DNM3: variants seen among roughly 807,000 people sequenced by gnomAD.
DNM3 encodes the protein dynamin 3, also known as dynamin-3.
In DNM3, 47 loss-of-function variants were observed where a neutral mutation model predicts 101.6. The observed-to-expected ratio is 0.46, with a 90% CI of 0.37 to 0.59. DNM3 has a LOEUF of 0.59. Among genes scored for constraint, DNM3 ranks in the 20% least tolerant of loss-of-function variants. The pLI is 0.00. For missense variants in DNM3, 849 were observed against 1,085.7 expected (o/e 0.78, Z 3.06); for synonymous variants, 385 against 387.9 (o/e 0.99, Z 0.09).
At chr1:172,186,636 G>A (rs1436965892) in intron 14 of DNM3, among the ~76,000 whole-genome samples, 1 of 151,920 alleles carries the variant, frequency 6.6e-6, no homozygotes, top group Admixed American at 6.6e-5. Flanking sequence ...CTTCTTCAAG[G>A]GACTTCTCAC....
At chr1:171,974,486 A>T (rs1447605169) in intron 2 of DNM3, among the ~76,000 whole-genome samples, 1 of 152,168 alleles carries the variant, frequency 6.6e-6, no homozygotes, top group Non-Finnish European at 1.5e-5. Context: ...AGAGTTTTCC[A>T]TTAAGTTCCC....
At chr1:172,223,371 C>T (rs1348268319) in intron 14 of DNM3, among the ~76,000 whole-genome samples, 9 of 151,424 alleles carry the variant, frequency 5.9e-5, no homozygotes, top group Non-Finnish European at 8.8e-5. Context: ...TTGGCAGGCA[C>T]CATTGTATAT....
rs73039332 is a variant in DNM3 at position 172,082,055 on chromosome 1, T to C, written c.1493+153T>C. On this transcript the variant is annotated intron_variant, in intron 12 of 20. Coordinates refer to ENST00000627582, the MANE Select transcript of DNM3 (RefSeq NM_015569.5). ...GCCTACTTAGGAAGTCTGAGCTCCATGGTCGTAGGGCAGGGATATTTACTA... is the reference window on the plus strand; with the variant it reads ...GCCTACTTAGGAAGTCTGAGCTCCACGGTCGTAGGGCAGGGATATTTACTA... Among the ~76,000 whole-genome samples the C allele has an allele frequency of 4.5e-3, 691 of 152,356 alleles. 6 individuals carry two copies. The highest frequency in any genetic ancestry group is 0.015 in the African/African-American group (621 of 41,588).
chr1:171,884,054 C>T (rs975842528), intron 1 of DNM3, among the ~76,000 whole-genome samples: 1 of 152,220 alleles, frequency 6.6e-6, no homozygotes, highest in African/African-American at 2.4e-5. Flanking sequence ...CTGAGTTAAA[C>T]AGATGTTCAG....
rs373307502 is a variant in DNM3, at chr1:172,323,399, A to C, written c.1893+59A>C. On this transcript the variant is annotated intron_variant, in intron 17 of 20. Coordinates refer to ENST00000627582, the MANE Select transcript of DNM3 (RefSeq NM_015569.5). ...CCCCCAGCCCCTGCTCCGCTCCTGC[A>C]TGTCTTGACAAGAGTGTTCCTGTGC... The C allele has an allele frequency of 1.3e-3, 1,961 of 1,567,036 alleles. 6 individuals are homozygous for C. Among genetic ancestry groups the C allele is most frequent in the Admixed American group, 2.4e-3 (129 of 54,674 alleles).
chr1:172,043,442 G>A (rs1293127445), intron 8 of DNM3, among the ~76,000 whole-genome samples: 1 of 152,076 alleles, frequency 6.6e-6, no homozygotes, highest in East Asian at 1.9e-4. Flanking sequence ...TCGTGTGGGA[G>A]GCAAATGGGT....
chr1:172,249,166 C>T (rs944988016), intron 14 of DNM3, among the ~76,000 whole-genome samples: 1 of 152,134 alleles, frequency 6.6e-6, no homozygotes, highest in Non-Finnish European at 1.5e-5. Context: ...CATTGTATCT[C>T]CTTCTAGTGC....
chr1:172,306,340 CA>C (rs1166011372), intron 15 of DNM3, among the ~76,000 whole-genome samples: 1 of 152,170 alleles, frequency 6.6e-6, no homozygotes, highest in Non-Finnish European at 1.5e-5. Flanking sequence ...AGCACCTCTT[CA>C]AGGAGAACTA....
chr1:172,082,751 A>G (rs2053251418), intron 12 of DNM3, among the ~76,000 whole-genome samples: 1 of 152,238 alleles, frequency 6.6e-6, no homozygotes, highest in Non-Finnish European at 1.5e-5. Flanking sequence ...GACTTAGAAG[A>G]AATGGATATG....
At chr1:172,320,895 GT>G (rs2065683448) in intron 16 of DNM3, among the ~76,000 whole-genome samples, 1 of 152,174 alleles carries the variant, frequency 6.6e-6, no homozygotes, top group Non-Finnish European at 1.5e-5. Context: ...TGCAAATCCA[GT>G]TTTGCATATT....
intron 14 of DNM3, among the ~76,000 whole-genome samples, chr1:172,199,997 G>A (rs952157552): frequency 1.3e-5 from 2 of 152,084 alleles, no homozygotes; most frequent in African/African-American, 2.4e-5. Flanking sequence ...TTGCTTTACA[G>A]TGACACTGGT....
rs560306268 is a variant in DNM3, at chr1:172,308,798, G to C, written c.1840G>C (p.Ala614Pro). 1 of 1,610,524 alleles carries C rather than the reference G, an allele frequency of 6.2e-7. No individual in the cohort carries two copies. The highest frequency in any genetic ancestry group is 1.1e-5 in the South Asian group (1 of 90,466). Residue 614 changes from alanine to proline, a missense_variant, in exon 16 of 21, where the codon GCA becomes CCA. Physicochemically the swap from Ala to Pro is conservative, Grantham distance 27. Coordinates refer to ENST00000627582, the MANE Select transcript of DNM3 (RefSeq NM_015569.5). ...DSQEDVDSWKASLLRAGVYPD... is the reference protein window; with the variant it reads ...DSQEDVDSWKPSLLRAGVYPD... ...CCAGGAGGATGTCGACAGCTGGAAG[G>C]CATCTCTACTAAGAGCTGGGGTCTA...
At chr1:172,290,964 G>T (rs1201865690) in intron 15 of DNM3, among the ~76,000 whole-genome samples, 3 of 143,566 alleles carry the variant, frequency 2.1e-5, no homozygotes, top group African/African-American at 7.9e-5. Context: ...GGAGGAGAAG[G>T]TGTTTGAGGA....
At chr1:172,107,403 A>T (rs1368284560) in intron 13 of DNM3, among the ~76,000 whole-genome samples, 1 of 152,158 alleles carries the variant, frequency 6.6e-6, no homozygotes, top group Non-Finnish European at 1.5e-5. Flanking sequence ...GTGGAAAAAA[A>T]AAAAGTAAAA....
At chr1:171,966,770 TGAGGTG>T (rs2043618278) in intron 2 of DNM3, among the ~76,000 whole-genome samples, 2 of 152,174 alleles carry the variant, frequency 1.3e-5, no homozygotes, top group South Asian at 4.1e-4. Flanking sequence ...AGCATTAAAA[TGAGGTG>T]GAATTTGGCT....
chr1:172,301,697 T>G (rs113072393), intron 15 of DNM3, among the ~76,000 whole-genome samples: 2,168 of 152,264 alleles, frequency 0.014, 50 homozygotes, highest in African/African-American at 0.049. Flanking sequence ...TCATCATACA[T>G]TTATATGAAT....
At chr1:172,238,273 T>C (rs1408935036) in intron 14 of DNM3, among the ~76,000 whole-genome samples, 1 of 152,124 alleles carries the variant, frequency 6.6e-6, no homozygotes, top group African/African-American at 2.4e-5. Context: ...GCCCTACACT[T>C]CCTGGTTTAA....
intron 11 of DNM3, among the ~76,000 whole-genome samples, chr1:172,069,744 T>G (rs984469514): frequency 4.6e-5 from 7 of 152,240 alleles, no homozygotes; most frequent in Admixed American, 3.9e-4. Context: ...AACATCATGT[T>G]CTTGTGTAAA....
chr1:172,044,195 A>G (rs1003684262), intron 8 of DNM3, among the ~76,000 whole-genome samples, 190 bp from the exon 9 acceptor site: 4 of 152,210 alleles, frequency 2.6e-5, no homozygotes, highest in African/African-American at 9.6e-5. Context: ...CAAGCTCCCC[A>G]AAATCCCTAG....
Sources: allele counts gnomAD v4.1 joint callset (sites outside exome capture counted in the v4.1 genomes callset), GRCh38; gene constraint gnomAD v4.1.1; transcripts MANE v1.5; gene names NCBI Gene and HGNC (gene_info 2026-07-23, HGNC 2026-07-21).